Variants in CEP170 observed in about 807,000 individuals in gnomAD.
CEP170 encodes the protein centrosomal protein of 170 kDa.
In CEP170, 21 loss-of-function variants were observed where a neutral mutation model predicts 151.9. The observed-to-expected ratio is 0.14, with a 90% CI of 0.10 to 0.20. The LOEUF is 0.20. CEP170 is among the 10% of genes least tolerant of loss of function. The pLI is 1.00. For missense variants in CEP170, 964 were observed against 1,892.9 expected, an observed-to-expected ratio of 0.51 and a Z score of 9.11; for synonymous variants, 356 against 648.8, an observed-to-expected ratio of 0.55 and a Z score of 6.86.
At chr1:243,250,301 C>A (rs2065821651) in intron 1 of CEP170, among the ~76,000 whole-genome samples, 1 of 152,078 alleles carries the variant, frequency 6.6e-6, no homozygotes, top group South Asian at 2.1e-4. Context: ...GTCAAAAAGC[C>A]AGGAAGGAAA....
intron 3 of CEP170, among the ~76,000 whole-genome samples, chr1:243,217,535 T>C (rs180703619): frequency 6.6e-6 from 1 of 152,328 alleles, no homozygotes; most frequent in African/African-American, 2.4e-5. Context: ...AATTTTAACA[T>C]GCTGCCATTT....
At chr1:243,221,471 A>G (rs2062813354) in intron 3 of CEP170, 2 of 441,324 alleles carry the variant, frequency 4.5e-6, no homozygotes, top group Non-Finnish European at 8.0e-6. Flanking sequence ...CCAACTCCTT[A>G]AAGAAGTCTT....
intron 4 of CEP170, among the ~76,000 whole-genome samples, chr1:243,205,142 C>T (rs2061324790): frequency 6.6e-6 from 1 of 152,110 alleles, no homozygotes; most frequent in African/African-American, 2.4e-5. Flanking sequence ...AGAGTCCAAG[C>T]AAATCAACAT....
At chr1:243,186,619 T>C in intron 8 of CEP170, 197 bp from the exon 9 acceptor site, 1 of 558,456 alleles carries the variant, frequency 1.8e-6, no homozygotes, top group Non-Finnish European at 3.1e-6. Flanking sequence ...AACAATGAGG[T>C]CCTTTATAAA....
chr1:243,252,958 A>G (rs2066077484), intron 1 of CEP170: 1 of 152,210 alleles, frequency 6.6e-6, no homozygotes, highest in Admixed American at 6.5e-5. Flanking sequence ...TAACTCATTA[A>G]TGATTACAAC....
chr1:243,242,425 A>G (rs943568882), intron 1 of CEP170, among the ~76,000 whole-genome samples: 6 of 151,504 alleles, frequency 4.0e-5, no homozygotes, highest in Admixed American at 2.0e-4. Flanking sequence ...TCACCGTGTT[A>G]GCCAGGATGG....
At chr1:243,194,128 C>T (rs1306719806) in intron 7 of CEP170, among the ~76,000 whole-genome samples, 1 of 151,154 alleles carries the variant, frequency 6.6e-6, no homozygotes, top group African/African-American at 2.4e-5. Flanking sequence ...TGTAGCAAAC[C>T]TTGGGCAGGG....
chr1:243,133,147 A>C (rs1009329787), intron 17 of CEP170, among the ~76,000 whole-genome samples: 15 of 152,214 alleles, frequency 9.9e-5, no homozygotes, highest in African/African-American at 3.6e-4. Context: ...CTCATCATTC[A>C]GGACTTAAAT....
chr1:243,167,524 A>G (rs1168041311), intron 12 of CEP170, among the ~76,000 whole-genome samples: 2 of 151,854 alleles, frequency 1.3e-5, no homozygotes, highest in Non-Finnish European at 2.9e-5. Context: ...GACTATTAAA[A>G]ATGGAATGTA....
intron 13 of CEP170, among the ~76,000 whole-genome samples, chr1:243,163,814 A>T (rs989820571): frequency 2.6e-5 from 4 of 152,278 alleles, no homozygotes; most frequent in African/African-American, 7.2e-5. Context: ...TATTTCATTT[A>T]ACTCTGAAAG....
At chr1:243,178,308 CAAA>C (rs869094317) in intron 10 of CEP170, among the ~76,000 whole-genome samples, 6 of 30,428 alleles carry the variant, frequency 2.0e-4, no homozygotes, top group South Asian at 1.9e-3. Context: ...GACTCTGCCT[CAAA>C]AAAAAAAAAA....
intron 13 of CEP170, among the ~76,000 whole-genome samples, chr1:243,159,763 T>TTTTGTGTGTGTGTGTGTGTGTGTGTG (rs1553343086): frequency 2.4e-5 from 3 of 127,164 alleles, no homozygotes; most frequent in East Asian, 2.4e-4. Flanking sequence ...GTTTCCGGTT[T>TTTTGTGTGTGTGTGTGTGTGTGTGTG]TGTGTGTGTG....
intron 1 of CEP170, among the ~76,000 whole-genome samples, chr1:243,241,760 A>G (rs1203678827): frequency 6.6e-6 from 1 of 151,530 alleles, no homozygotes; most frequent in Non-Finnish European, 1.5e-5. Context: ...ACTGCACTCC[A>G]GCCTGGACAA....
At chr1:243,206,485 T>C (rs969696786) in intron 4 of CEP170, among the ~76,000 whole-genome samples, 4 of 152,198 alleles carry the variant, frequency 2.6e-5, no homozygotes, top group African/African-American at 7.2e-5. Context: ...ATATAAAAGC[T>C]GACAGAATTC....
In CEP170 at chr1:243,218,549, C is replaced by T. The variant is rs372882406; in HGVS notation, c.195+3175G>A. 4.0e-4 allele frequency among the ~76,000 whole-genome samples: 61 copies of T among 151,708 alleles called. 1 individual carries two copies. In the South Asian group the frequency reaches 0.011, roughly 29 times the overall value. ...AATTCTGTAAATTGTAGATCTAGGT[C>T]CCTTGGGAGTGTATTCTGGGCTAGG... is the stretch of plus-strand genomic sequence containing the variant. On this transcript the variant is annotated intron_variant, in intron 3 of 19. Transcript: ENST00000366542.
chr1:243,130,481 C>T (rs1390053736), intron 17 of CEP170, among the ~76,000 whole-genome samples: 9 of 152,188 alleles, frequency 5.9e-5, no homozygotes, highest in African/African-American at 1.2e-4. Flanking sequence ...AAAATTTTGA[C>T]GTGTCTTTCA....
At chr1:243,158,865 G>A (rs1405417738) in intron 13 of CEP170, among the ~76,000 whole-genome samples, 3 of 151,832 alleles carry the variant, frequency 2.0e-5, no homozygotes, top group African/African-American at 4.8e-5. Context: ...TCAAGAGATC[G>A]GGACCCTCCT....
In CEP170 at chr1:243,186,083, A is replaced by C. The variant is rs2059919704; in HGVS notation, c.1273-11T>G. 2 of 1,613,644 alleles carry C rather than the reference A, an allele frequency of 1.2e-6. No homozygotes were observed. The highest frequency in any genetic ancestry group is 1.7e-4 in the Middle Eastern group (1 of 6,056). On this transcript the variant is annotated splice_polypyrimidine_tract_variant and intron_variant, in intron 9 of 19. Transcript: ENST00000366542. ...ATGCGCAGAGCTAGTCTGTAAAGAC[A>C]AAGAAACCACTTTGGCATCTGCTGT...
At chr1:243,252,571 A>G (rs1337569442) in intron 1 of CEP170, among the ~76,000 whole-genome samples, 2 of 152,164 alleles carry the variant, frequency 1.3e-5, no homozygotes, top group Admixed American at 6.5e-5. Flanking sequence ...AAAAAGTACC[A>G]TAACAGCATT....
Sources: gnomAD v4.1 joint callset for allele counts (sites outside exome capture counted in the v4.1 genomes callset) on GRCh38, gnomAD v4.1.1 for gene constraint, MANE v1.5 for transcripts, NCBI Gene and HGNC (gene_info 2026-07-23, HGNC 2026-07-21) for gene names.